FMN2: variants seen among roughly 807,000 people sequenced by gnomAD.
The protein encoded by FMN2 is formin 2, also known as formin-2.
In FMN2, 51 loss-of-function variants were observed where a neutral mutation model predicts 142.3. The observed-to-expected ratio is 0.36, with a 90% CI of 0.29 to 0.45. The LOEUF (loss-of-function observed/expected upper bound fraction) is 0.45. Ranked by LOEUF, FMN2 falls within the 20% of genes least tolerant of loss-of-function variation. FMN2 has a pLI of 1.00. For synonymous variants in FMN2, 882 were observed against 869.8 expected, an observed-to-expected ratio of 1.01 and a Z score of -0.25; for missense variants, 1,936 against 2,122.8, an observed-to-expected ratio of 0.91 and a Z score of 1.73.
chr1:240,325,244 G>C (rs539887900), intron 8 of FMN2, among the ~76,000 whole-genome samples: 112 of 151,562 alleles, frequency 7.4e-4, no homozygotes, highest in African/African-American at 2.3e-3. Context: ...TTGAGAGGCT[G>C]AGGTGGGAGG....
chr1:240,132,053 C>T (rs899299992), intron 2 of FMN2, among the ~76,000 whole-genome samples: 1 of 152,072 alleles, frequency 6.6e-6, no homozygotes, highest in Admixed American at 6.5e-5. Flanking sequence ...GATTTAGAAC[C>T]GACAGGACTT....
intron 1 of FMN2, among the ~76,000 whole-genome samples, chr1:240,107,035 A>G (rs1308245579): frequency 6.6e-6 from 1 of 151,512 alleles, no homozygotes; most frequent in Non-Finnish European, 1.5e-5. Flanking sequence ...GTAGCTTTCC[A>G]TTGACTGTAG....
intron 16 of FMN2, among the ~76,000 whole-genome samples, chr1:240,441,920 G>A (rs1437782203): frequency 6.6e-6 from 1 of 151,998 alleles, no homozygotes; most frequent in East Asian, 1.9e-4. Context: ...ACCCCGCTCT[G>A]AATACCTCAA....
chr1:240,093,083 T>C lies in FMN2; in HGVS notation c.974T>C (p.Phe325Ser). The stretch of plus-strand genomic sequence containing the variant: ...TCGCCCTCCTCCACGGCTTTCCCAT[T>C]TCCCGAGGCCGGGCCGGGGGAGGAA... ...KDSPSSTAFPFPEAGPGEEAA... is the reference protein window; with the variant it reads ...KDSPSSTAFPSPEAGPGEEAA... Residue 325 changes from phenylalanine (F) to serine (S), a missense_variant, in exon 1 of 18, where the codon TTT becomes TCT. By Grantham distance (155) the Phe-to-Ser change is radical (BLOSUM62 -2). Transcript: ENST00000319653. 7.2e-7 allele frequency: 1 copy of C among 1,394,482 alleles called. No individual in the cohort carries two copies. Among genetic ancestry groups the C allele is most frequent in the South Asian group, 1.6e-5 (1 of 61,492 alleles). The allele number at this position is 1,394,482 out of a possible 1,614,324, so 86.4% of individuals were successfully genotyped here.
chr1:240,119,719 C>T (rs1308722006), intron 1 of FMN2, among the ~76,000 whole-genome samples: 1 of 152,172 alleles, frequency 6.6e-6, no homozygotes, highest in Non-Finnish European at 1.5e-5. Flanking sequence ...AGAGTTCCAG[C>T]AGGTCATCAT....
At chr1:240,427,781 CT>C (rs1675011052) in intron 15 of FMN2, among the ~76,000 whole-genome samples, 1 of 152,108 alleles carries the variant, frequency 6.6e-6, no homozygotes, top group South Asian at 2.1e-4. Flanking sequence ...ACTCGATCAG[CT>C]TCAGGTTTGA....
intron 14 of FMN2, among the ~76,000 whole-genome samples, chr1:240,365,174 CGTGTG>C (rs1672621810): frequency 2.0e-5 from 3 of 146,886 alleles, no homozygotes; most frequent in South Asian, 4.2e-4. Context: ...TACATACATA[CGTGTG>C]CATATATATA....
At chr1:240,250,969 TTC>T (rs60155053) in intron 6 of FMN2, among the ~76,000 whole-genome samples, 5 of 151,566 alleles carry the variant, frequency 3.3e-5, no homozygotes, top group Non-Finnish European at 5.9e-5. Flanking sequence ...CATTTGGGTC[TTC>T]TCTCATTTTC....
intron 2 of FMN2, among the ~76,000 whole-genome samples, chr1:240,152,414 C>A (rs969064227): frequency 1.3e-5 from 2 of 152,130 alleles, no homozygotes; most frequent in Non-Finnish European, 2.9e-5. Flanking sequence ...ACTCTAATTC[C>A]TTCCTTTGGA....
At position 240,474,138 on chromosome 1, in the gene FMN2, T is replaced by A; in HGVS notation, c.5153T>A (p.Ile1718Lys). 1 of 1,557,666 alleles carries A rather than the reference T, an allele frequency of 6.4e-7. No individual in the cohort carries two copies. Among genetic ancestry groups the A allele is most frequent in the Non-Finnish European group, 8.6e-7 (1 of 1,161,568 alleles). ...PRHDSGIKAK[I>K]SMKT ...TGTATTTGTTTTCAGAAAGCAAAGA[T>A]AAGCATGAAAACTTGAACAATGAAA... The change falls in exon 18 of 18, where the codon ATA becomes AAA. Residue 1718 changes from isoleucine to lysine, a missense_variant. This residue lies in a region of FMN2 where 322 missense variants were observed against 401.6 expected (regional missense o/e 0.80). Coordinates refer to ENST00000319653, the MANE Select transcript of FMN2 (RefSeq NM_020066.5).
At chr1:240,185,059 CTTCCCCTTCTCTTTCTCCCTCCTATACCT>C (rs1665361998) in intron 3 of FMN2, among the ~76,000 whole-genome samples, 1 of 138,918 alleles carries the variant, frequency 7.2e-6, no homozygotes, top group Admixed American at 6.9e-5. Flanking sequence ...CCTCCTATAC[CTTCCCCTTCTCTTTCTCCCTCCTATACCT>C]TCCCCCTTCT....
Position 240,211,141 on chromosome 1 carries a change from A to G in FMN2, c.3971A>G (p.Asp1324Gly), listed in dbSNP as rs1666676986. ...GAAAAAATTGAAGAGCCATCCATAG[A>G]TTGTCATGAATTTGAGGAATTATTT... ...IWEKIEEPSI[D>G]CHEFEELFSK... Residue 1324 changes from aspartate (D) to glycine (G), a missense_variant, in exon 6 of 18, where the codon GAT becomes GGT. Transcript: ENST00000319653. 1.9e-6 allele frequency: 3 copies of G among 1,613,492 alleles called. No homozygotes were observed. The highest frequency in any genetic ancestry group is 1.7e-5 in the Admixed American group (1 of 59,984).
At position 240,096,112 on chromosome 1, in the gene FMN2, T is replaced by C. The variant is rs139037893; in HGVS notation, c.1615+2388T>C. On this transcript the variant is annotated intron_variant, in intron 1 of 17. Coordinates refer to ENST00000319653, the MANE Select transcript of FMN2 (RefSeq NM_020066.5). ...GATAGAGAAAGAGGTGAAATAACTT[T>C]CTCAAGGTCACACTGTGATTCATTC... Among the ~76,000 whole-genome samples, 531 of 152,252 alleles carry C rather than the reference T, an allele frequency of 3.5e-3. 2 individuals are homozygous for C. Among genetic ancestry groups the C allele is most frequent in the African/African-American group, 0.012 (504 of 41,554 alleles).
chr1:240,277,667 G>A (rs1345067116), intron 7 of FMN2, among the ~76,000 whole-genome samples: 1 of 151,034 alleles, frequency 6.6e-6, no homozygotes. Flanking sequence ...CAAGTAACTG[G>A]GATTACAGGC....
At chr1:240,450,535 T>G (rs575910637) in intron 16 of FMN2, among the ~76,000 whole-genome samples, 3 of 152,350 alleles carry the variant, frequency 2.0e-5, no homozygotes, top group Admixed American at 2.0e-4. Context: ...TCTTTTAGCA[T>G]TGTCTCCATC....
intron 1 of FMN2, among the ~76,000 whole-genome samples, chr1:240,116,394 G>C (rs1273890389): frequency 4.6e-5 from 7 of 152,178 alleles, no homozygotes; most frequent in Admixed American, 6.5e-5. Flanking sequence ...AGAGTTGAGA[G>C]AATAAGCTGT....
intron 2 of FMN2, among the ~76,000 whole-genome samples, chr1:240,142,364 G>C (rs1663220029): frequency 6.6e-6 from 1 of 152,070 alleles, no homozygotes; most frequent in Admixed American, 6.6e-5. Context: ...AGTTACCTCA[G>C]GTTTTGGTAA....
chr1:240,393,200 G>C (rs1008432072), intron 15 of FMN2, among the ~76,000 whole-genome samples: 2 of 151,428 alleles, frequency 1.3e-5, no homozygotes, highest in Non-Finnish European at 2.9e-5. Flanking sequence ...TTGAAGGTTT[G>C]TGGCAACTCT....
rs138197699 is a variant in FMN2, at chr1:240,185,876, G to C, written c.1931-2331G>C. ...ACGAAAAACAATAGAAAATGAGAGC[G>C]TTCCGGAGTTTGGATTTGCTTTAAT... On this transcript the variant is annotated intron_variant, in intron 3 of 17. Transcript: ENST00000319653. 5.9e-3 allele frequency among the ~76,000 whole-genome samples: 895 copies of C among 152,226 alleles called. 12 individuals are homozygous for C. Among genetic ancestry groups the C allele is most frequent in the African/African-American group, 0.021 (862 of 41,540 alleles).
Sources: allele counts gnomAD v4.1 joint callset (sites outside exome capture counted in the v4.1 genomes callset), GRCh38; gene constraint gnomAD v4.1.1; regional missense constraint gnomAD v4.1.1; transcripts MANE v1.5; gene names NCBI Gene and HGNC (gene_info 2026-07-23, HGNC 2026-07-21).